Variants in LRGUK observed in about 807,000 individuals in gnomAD.
The protein encoded by LRGUK is leucine rich repeats and guanylate kinase domain containing, also known as leucine-rich repeat and guanylate kinase domain-containing protein.
A neutral mutation model predicts 76.0 loss-of-function variants in LRGUK; 65 were observed. The observed-to-expected ratio is 0.85, with a 90% CI of 0.70 to 1.05. The LOEUF is 1.05. Ranked by LOEUF, LRGUK falls within the 50% of genes least tolerant of loss-of-function variation. The probability of loss-of-function intolerance (pLI) is 0.00; values close to 1 mark genes in which losing one functional copy is unlikely to be tolerated. For synonymous variants in LRGUK, 268 were observed against 265.6 expected, an observed-to-expected ratio of 1.01 and a Z score of -0.09; for missense variants, 758 against 732.8, an observed-to-expected ratio of 1.03 and a Z score of -0.40.
At chr7:134,262,545 T>C (rs181993433) in intron 19 of LRGUK, among the ~76,000 whole-genome samples, 4 of 152,320 alleles carry the variant, frequency 2.6e-5, no homozygotes, top group African/African-American at 9.6e-5. Flanking sequence ...AGATGTAATT[T>C]AGCTGGTTGT....
chr7:134,264,661 T>C (rs1403171069), downstream of LRGUK: 1 of 152,198 alleles, frequency 6.6e-6, no homozygotes, highest in Non-Finnish European at 1.5e-5. Flanking sequence ...ACAACTTTCA[T>C]CATCTTTGTA....
chr7:134,271,391 A>G, the LRGUK span, among the ~76,000 whole-genome samples: 2,832 of 151,966 alleles, frequency 0.019, 36 homozygotes, highest in Middle Eastern at 0.027. Flanking sequence ...TGTAATAAAC[A>G]TAATCTCAGA....
intron 11 of LRGUK, among the ~76,000 whole-genome samples, chr7:134,184,867 T>G (rs1313379968): frequency 1.3e-5 from 2 of 152,260 alleles, no homozygotes; most frequent in Admixed American, 6.5e-5. Flanking sequence ...AAATGGCATG[T>G]GAAGGCAGGC....
At chr7:134,138,535 T>C (rs1229819257) in intron 2 of LRGUK, among the ~76,000 whole-genome samples, 1 of 152,192 alleles carries the variant, frequency 6.6e-6, no homozygotes, top group Non-Finnish European at 1.5e-5. Flanking sequence ...CTTCCATCAT[T>C]GCATTTCTCA....
chr7:134,208,146 G>A (rs1801084330), intron 15 of LRGUK, among the ~76,000 whole-genome samples: 1 of 152,124 alleles, frequency 6.6e-6, no homozygotes, highest in South Asian at 2.1e-4. Context: ...TTGTGATTCT[G>A]TCCGGCCGAT....
chr7:134,177,207 G>C, intron 9 of LRGUK, 144 bp downstream of exon 9: 2 of 565,498 alleles, frequency 3.5e-6, no homozygotes, highest in South Asian at 4.3e-5. Context: ...ATGTTTCCTT[G>C]CCTTAGGATC....
At chr7:134,176,926 T>C in intron 8 of LRGUK, 51 bp from the exon 9 acceptor site, 1 of 1,109,192 alleles carries the variant, frequency 9.0e-7, no homozygotes, top group Non-Finnish European at 1.3e-6. Context: ...TGGTGCTTGT[T>C]GATTTGGGAA....
Position 134,177,264 on chromosome 7 carries a change from G to C in LRGUK, c.1107+201G>C, listed in dbSNP as rs79012350. Among the ~76,000 whole-genome samples, 1,344 of 152,304 alleles carry C rather than the reference G, an allele frequency of 8.8e-3. 16 individuals are homozygous for C. Among genetic ancestry groups the C allele is most frequent in the South Asian group, 0.028 (137 of 4,824 alleles). On this transcript the variant is annotated intron_variant, in intron 9 of 15. Transcript: ENST00000645682. ...AGGTGAGTATCAACACAAATGCAGT[G>C]AAAGGCCTGATGTCTTGCTGTTAGT...
chr7:134,254,933 C>G (rs918912383), intron 18 of LRGUK, among the ~76,000 whole-genome samples: 4 of 152,102 alleles, frequency 2.6e-5, no homozygotes, highest in Non-Finnish European at 4.4e-5. Flanking sequence ...CAAAAAGAGC[C>G]AAACTGTAAG....
intron 6 of LRGUK, among the ~76,000 whole-genome samples, chr7:134,162,416 C>T (rs1393598084): frequency 6.6e-6 from 1 of 152,178 alleles, no homozygotes; most frequent in African/African-American, 2.4e-5. Flanking sequence ...TAGCTCAGTA[C>T]TTCTGAGACA....
intron 15 of LRGUK, among the ~76,000 whole-genome samples, chr7:134,204,089 C>G (rs1390470494): frequency 6.6e-6 from 1 of 152,224 alleles, no homozygotes; most frequent in East Asian, 1.9e-4. Flanking sequence ...GAATCAGTCC[C>G]CTGAGCCTGA....
downstream of LRGUK, among the ~76,000 whole-genome samples, chr7:134,212,925 G>A (rs1163592870): frequency 1.3e-5 from 2 of 152,312 alleles, no homozygotes; most frequent in East Asian, 3.9e-4. Flanking sequence ...TTTTCCAGAT[G>A]TCATAAGAAT....
chr7:134,207,756 A>C (rs1454210266), intron 15 of LRGUK, among the ~76,000 whole-genome samples: 2 of 152,144 alleles, frequency 1.3e-5, no homozygotes, highest in African/African-American at 2.4e-5. Flanking sequence ...CCCCAAAGTG[A>C]GCTGAGACTA....
At chr7:134,147,089 A>G (rs17167503) in intron 4 of LRGUK, among the ~76,000 whole-genome samples, 19,701 of 152,112 alleles carry the variant, frequency 0.13, 1,617 homozygotes, top group East Asian at 0.33. Flanking sequence ...GAAAGAATGT[A>G]AAGTTGAAGA....
chr7:134,228,628 C>T (rs2117169290), intron 16 of LRGUK, among the ~76,000 whole-genome samples: 1 of 151,928 alleles, frequency 6.6e-6, no homozygotes, highest in Middle Eastern at 3.4e-3. Context: ...GTATATTTTA[C>T]CTCAATAAAA....
chr7:134,152,447 T>C (rs554967659), intron 5 of LRGUK, among the ~76,000 whole-genome samples: 13 of 152,124 alleles, frequency 8.5e-5, no homozygotes, highest in Admixed American at 7.2e-4. Context: ...AAGAATTTTA[T>C]GGAAAATAAA....
chr7:134,167,599 AGG>A (rs1799050122), intron 7 of LRGUK, among the ~76,000 whole-genome samples: 1 of 152,098 alleles, frequency 6.6e-6, no homozygotes, highest in African/African-American at 2.4e-5. Flanking sequence ...TATGTGACTG[AGG>A]ATAGAGACCA....
At chr7:134,189,608 A>T (rs1323333342) in intron 11 of LRGUK, among the ~76,000 whole-genome samples, 1 of 152,160 alleles carries the variant, frequency 6.6e-6, no homozygotes, top group African/African-American at 2.4e-5. Context: ...AGGTATTCAG[A>T]AGAAATTCTT....
chr7:134,217,102 G>C (rs1801452618), intron 15 of LRGUK, among the ~76,000 whole-genome samples: 1 of 148,542 alleles, frequency 6.7e-6, no homozygotes, highest in Non-Finnish European at 1.5e-5. Context: ...CCTGTTCTAT[G>C]TGTTTTATCT....
Sources: gnomAD v4.1 joint callset for allele counts (sites outside exome capture counted in the v4.1 genomes callset) on GRCh38, gnomAD v4.1.1 for gene constraint, MANE v1.5 for transcripts, NCBI Gene and HGNC (gene_info 2026-07-23, HGNC 2026-07-21) for gene names.